The following MOB3B variants were observed in gnomAD, a reference collection of about 807,000 sequenced individuals.
MOB3B encodes MOB kinase activator-like 2B.
MOB3B carries 7 observed loss-of-function variants against 18.7 expected under a neutral mutation model. The observed-to-expected ratio is 0.37, with a 90% CI of 0.21 to 0.70. The LOEUF is 0.70. MOB3B is among the 30% of genes least tolerant of loss of function. The pLI is 0.52. For missense variants in MOB3B, 253 were observed against 281.3 expected (o/e 0.90, Z 0.72); for synonymous variants, 111 against 99.9 (o/e 1.11, Z -0.66).
chr9:27,389,848 G>A (rs925352300), intron 2 of MOB3B, among the ~76,000 whole-genome samples: 1 of 152,058 alleles, frequency 6.6e-6, no homozygotes, highest in South Asian at 2.1e-4. Flanking sequence ...CCTGGACCGA[G>A]ACCGAGGAGA....
At chr9:27,516,407 A>G (rs1408710938) in intron 1 of MOB3B, among the ~76,000 whole-genome samples, 3 of 152,228 alleles carry the variant, frequency 2.0e-5, no homozygotes, top group Admixed American at 2.0e-4. Context: ...TGGGAGGCAT[A>G]TACTAAAATA....
At chr9:27,501,387 G>A (rs751673102) in intron 1 of MOB3B, among the ~76,000 whole-genome samples, 5 of 152,146 alleles carry the variant, frequency 3.3e-5, no homozygotes, top group Admixed American at 6.5e-5. Flanking sequence ...TTAAGAAAAT[G>A]TGGCACATAC....
At chr9:27,370,484 G>A (rs907322782) in intron 2 of MOB3B, among the ~76,000 whole-genome samples, 43 of 149,198 alleles carry the variant, frequency 2.9e-4, no homozygotes, top group Admixed American at 2.5e-3. Flanking sequence ...CTCCAGACTG[G>A]GCAACAAGAG....
chr9:27,518,650 A>C (rs1820276289), intron 1 of MOB3B, among the ~76,000 whole-genome samples: 1 of 152,208 alleles, frequency 6.6e-6, no homozygotes, highest in Non-Finnish European at 1.5e-5. Flanking sequence ...CATAATCTTC[A>C]GTTGGGCTGG....
intron 1 of MOB3B, among the ~76,000 whole-genome samples, chr9:27,474,416 C>G (rs528585712): frequency 6.6e-6 from 1 of 152,312 alleles, no homozygotes; most frequent in Admixed American, 6.5e-5. Flanking sequence ...CAAACTGACT[C>G]CTTATACCAG....
rs969172351 is a variant in MOB3B at position 27,372,607 on chromosome 9, G to A, written c.419-13371C>T. 9.2e-5 allele frequency among the ~76,000 whole-genome samples: 14 copies of A among 152,242 alleles called. 1 individual carries two copies. Among genetic ancestry groups the A allele is most frequent in the East Asian group, 3.9e-4 (2 of 5,184 alleles). On this transcript the variant is annotated intron_variant, in intron 2 of 3. Coordinates refer to ENST00000262244, the MANE Select transcript of MOB3B (RefSeq NM_024761.5). ...GAATATGGCTTTGATACGATAAGTC[G>A]CTTCACTTCTGTGGTCTCCCTCCCC...
At chr9:27,409,050 C>G (rs983361847) in intron 2 of MOB3B, among the ~76,000 whole-genome samples, 3 of 152,226 alleles carry the variant, frequency 2.0e-5, no homozygotes, top group African/African-American at 7.2e-5. Context: ...AATCCTCACA[C>G]AACCTTGGCA....
At chr9:27,481,214 C>A (rs981199828) in intron 1 of MOB3B, among the ~76,000 whole-genome samples, 3 of 152,158 alleles carry the variant, frequency 2.0e-5, no homozygotes, top group Admixed American at 1.3e-4. Context: ...AACATAGAAA[C>A]TGTGCAACAA....
At chr9:27,481,017 G>T (rs1183113771) in intron 1 of MOB3B, among the ~76,000 whole-genome samples, 2 of 151,990 alleles carry the variant, frequency 1.3e-5, no homozygotes, top group Non-Finnish European at 2.9e-5. Context: ...AAATAAGAAG[G>T]GTGTTATTCA....
intron 1 of MOB3B, among the ~76,000 whole-genome samples, chr9:27,524,098 T>TAA: frequency 6.8e-6 from 1 of 146,276 alleles, no homozygotes; most frequent in South Asian, 2.1e-4. Context: ...TTGCTCATTT[T>TAA]TCAGGGAAAA....
chr9:27,368,396 GGA>G (rs1191712939), intron 2 of MOB3B, among the ~76,000 whole-genome samples: 3 of 140,908 alleles, frequency 2.1e-5, no homozygotes, highest in South Asian at 4.7e-4. Context: ...ATACAGAGAG[GGA>G]GAGAGAGAGA....
At chr9:27,479,098 A>G (rs560214272) in intron 1 of MOB3B, among the ~76,000 whole-genome samples, 4 of 152,330 alleles carry the variant, frequency 2.6e-5, no homozygotes, top group East Asian at 1.9e-4. Flanking sequence ...TTACGCTGCT[A>G]TAACAGAATA....
At chr9:27,417,251 C>G (rs924782003) in intron 2 of MOB3B, among the ~76,000 whole-genome samples, 5 of 152,178 alleles carry the variant, frequency 3.3e-5, no homozygotes, top group Admixed American at 2.6e-4. Flanking sequence ...GTAGTCCCAG[C>G]AACTCGGGAG....
intron 2 of MOB3B, among the ~76,000 whole-genome samples, chr9:27,381,440 G>A (rs1197883614): frequency 1.3e-5 from 2 of 152,066 alleles, no homozygotes; most frequent in Non-Finnish European, 2.9e-5. Context: ...CTGAGAAGCT[G>A]CCTACATTTT....
chr9:27,362,086 C>T (rs1821282815), intron 2 of MOB3B, among the ~76,000 whole-genome samples: 1 of 152,214 alleles, frequency 6.6e-6, no homozygotes, highest in Non-Finnish European at 1.5e-5. Context: ...CTCTGTTCCC[C>T]CCATCTCTGC....
chr9:27,483,870 C>T (rs1819698714), intron 1 of MOB3B, among the ~76,000 whole-genome samples: 1 of 152,086 alleles, frequency 6.6e-6, no homozygotes, highest in South Asian at 2.1e-4. Flanking sequence ...GCTGAGTGGT[C>T]CATTTGCTGC....
chr9:27,416,846 T>C (rs1822158088), intron 2 of MOB3B, among the ~76,000 whole-genome samples: 1 of 152,114 alleles, frequency 6.6e-6, no homozygotes, highest in Non-Finnish European at 1.5e-5. Flanking sequence ...CATCTTTCCT[T>C]TGCTTTTCTT....
rs375985284 is a variant in MOB3B, at chr9:27,330,640, G to T, written c.622-24C>A. ...TTCTGGAAAGCAAGGGGAAAAGGAT[G>T]GTTAGGAGAAACTATAAGCAGAGCA... On this transcript the variant is annotated intron_variant, in intron 3 of 3. Coordinates refer to ENST00000262244, the MANE Select transcript of MOB3B (RefSeq NM_024761.5). 2.2e-5 allele frequency: 36 copies of T among 1,613,828 alleles called. No homozygotes were observed. The Middle Eastern group carries it at 4.9e-4, about 22-fold the overall frequency.
chr9:27,511,050 G>T (rs558075772), intron 1 of MOB3B, among the ~76,000 whole-genome samples: 1 of 152,262 alleles, frequency 6.6e-6, no homozygotes, highest in South Asian at 2.1e-4. Flanking sequence ...TAAACTGACC[G>T]CATGGAGAGG....
Sources: allele counts gnomAD v4.1 joint callset (sites outside exome capture counted in the v4.1 genomes callset), GRCh38; gene constraint gnomAD v4.1.1; transcripts MANE v1.5; gene names NCBI Gene and HGNC (gene_info 2026-07-23, HGNC 2026-07-21).